Variants in ERICH1 observed in about 807,000 individuals in gnomAD.
ERICH1 encodes the protein glutamate rich 1.
A neutral mutation model predicts 39.6 loss-of-function variants in ERICH1; 56 were observed. The ratio of observed to expected loss-of-function variants is 1.41; its 90% CI spans 1.14 to 1.77. The LOEUF (loss-of-function observed/expected upper bound fraction) is 1.77. Ranked by LOEUF, ERICH1 falls within the 40% of genes most tolerant of loss-of-function variation. The probability of loss-of-function intolerance (pLI) is 0.00; values close to 1 mark genes in which losing one functional copy is unlikely to be tolerated. For missense variants in ERICH1, 826 were observed against 575.4 expected (o/e 1.44, Z -4.45); for synonymous variants, 313 against 223.6 (o/e 1.40, Z -3.57).
intron 3 of ERICH1, among the ~76,000 whole-genome samples, chr8:621,703 C>G (rs1340577213): frequency 6.6e-6 from 1 of 151,712 alleles, no homozygotes; most frequent in Non-Finnish European, 1.5e-5. Context: ...TTTAGAAAGA[C>G]TACGAAAGAA....
At chr8:618,533 C>A (rs1797079687) in intron 3 of ERICH1, among the ~76,000 whole-genome samples, 1 of 152,236 alleles carries the variant, frequency 6.6e-6, no homozygotes, top group Non-Finnish European at 1.5e-5. Flanking sequence ...TACATGCTAA[C>A]TGAGTGAGTG....
chr8:620,030 T>G (rs1434426913), intron 3 of ERICH1, among the ~76,000 whole-genome samples: 4 of 152,068 alleles, frequency 2.6e-5, no homozygotes, highest in Non-Finnish European at 4.4e-5. Context: ...AAACAAAAAG[T>G]GGGCCAGGCG....
chr8:667,979 C>T (rs577330581), intron 5 of ERICH1: 6 of 155,452 alleles, frequency 3.9e-5, no homozygotes, highest in South Asian at 2.0e-4. Context: ...TCCTCTGGGA[C>T]GCCAGCCCTG....
At chr8:637,909 G>A (rs1011225636) in intron 3 of ERICH1, among the ~76,000 whole-genome samples, 2 of 152,226 alleles carry the variant, frequency 1.3e-5, no homozygotes, top group Non-Finnish European at 2.9e-5. Flanking sequence ...GCAGGCAGCC[G>A]AACAAAATGC....
In ERICH1 at chr8:673,331, G is replaced by T; in HGVS notation, c.1021C>A (p.Leu341Ile). 1 of 1,612,456 alleles carries T rather than the reference G, an allele frequency of 6.2e-7. No homozygotes were observed. Among genetic ancestry groups the T allele is most frequent in the Non-Finnish European group, 8.5e-7 (1 of 1,178,624 alleles). ...TCCTGTGTTGACTTCAAAAAATTTA[G>T]AATACTGTGTGCCTTTTCATTGGTA... ...TITNEKAHSILNFLKSTQEMY... is the reference protein window; with the variant it reads ...TITNEKAHSIINFLKSTQEMY... Residue 341 changes from leucine to isoleucine, a missense_variant, in exon 4 of 6, where the codon CTA becomes ATA. Physicochemically the swap from Leu to Ile is conservative, Grantham distance 5 (BLOSUM62 2). Coordinates refer to ENST00000262109, the MANE Select transcript of ERICH1 (RefSeq NM_207332.3).
In ERICH1 at chr8:673,922, G is replaced by GT. The variant is rs770312815; in HGVS notation, c.429dup (p.Gln144ThrfsTer18). On this transcript the variant is annotated frameshift_variant, in exon 4 of 6. Coordinates refer to ENST00000262109, the MANE Select transcript of ERICH1 (RefSeq NM_207332.3). LOFTEE classifies it high-confidence loss of function. ...GTGTGCTGTCGCTGAGATTTCTCCT[G>GT]TAACAGACTCTGCTGTTTCTCTAAT... The GT allele has an allele frequency of 4.3e-6, 7 of 1,612,948 alleles. No homozygotes were observed. The highest frequency in any genetic ancestry group is 5.9e-6 in the Non-Finnish European group (7 of 1,179,972).
intron 2 of ERICH1, among the ~76,000 whole-genome samples, chr8:705,113 G>A (rs914327297): frequency 6.6e-6 from 1 of 152,232 alleles, no homozygotes; most frequent in Non-Finnish European, 1.5e-5. Flanking sequence ...CGTGTGAAGT[G>A]AACAAATATC....
intron 3 of ERICH1, among the ~76,000 whole-genome samples, chr8:639,119 T>G (rs1013738468): frequency 6.6e-6 from 1 of 152,126 alleles, no homozygotes; most frequent in African/African-American, 2.4e-5. Flanking sequence ...TGGCACTGGC[T>G]TTTCCCCATC....
chr8:681,877 G>GC, intron 3 of ERICH1, among the ~76,000 whole-genome samples: 1 of 152,154 alleles, frequency 6.6e-6, no homozygotes, highest in South Asian at 2.1e-4. Context: ...AGTCACTTTC[G>GC]CAAGGACCCC....
intron 3 of ERICH1, among the ~76,000 whole-genome samples, chr8:631,599 T>G (rs1021519426): frequency 6.6e-6 from 1 of 152,010 alleles, no homozygotes; most frequent in South Asian, 2.1e-4. Flanking sequence ...TGCCAGGGAG[T>G]GGGGGCAATG....
intron 1 of ERICH1, among the ~76,000 whole-genome samples, chr8:729,465 C>T (rs1342803533): frequency 6.6e-6 from 1 of 152,234 alleles, no homozygotes; most frequent in African/African-American, 2.4e-5. Flanking sequence ...AAGACACACA[C>T]TCCAGTTTCC....
chr8:689,878 G>A (rs549548394), intron 3 of ERICH1, among the ~76,000 whole-genome samples: 10 of 152,320 alleles, frequency 6.6e-5, no homozygotes, highest in African/African-American at 2.4e-4. Flanking sequence ...TTCATGTAGG[G>A]CAGTGTTCCT....
chr8:688,139 C>G (rs916633066), intron 3 of ERICH1, among the ~76,000 whole-genome samples: 1 of 152,192 alleles, frequency 6.6e-6, no homozygotes, highest in Non-Finnish European at 1.5e-5. Flanking sequence ...GGTCTGCAAC[C>G]CAGGCGGGGC....
intron 3 of ERICH1, among the ~76,000 whole-genome samples, chr8:676,487 A>AGGACAGAGG (rs1563236923): frequency 2.1e-5 from 1 of 47,698 alleles, no homozygotes; most frequent in African/African-American, 1.1e-4. Context: ...GAGGACAGAG[A>AGGACAGAGG]CGCGGCGGCC....
chr8:724,561 G>A (rs776320120), intron 1 of ERICH1, among the ~76,000 whole-genome samples: 7 of 152,230 alleles, frequency 4.6e-5, no homozygotes, highest in Middle Eastern at 3.4e-3. Flanking sequence ...CTCAGTTCTC[G>A]GAGTCAGTTT....
chr8:687,775 G>A (rs1296584702), intron 3 of ERICH1, among the ~76,000 whole-genome samples: 3 of 152,112 alleles, frequency 2.0e-5, no homozygotes, highest in Non-Finnish European at 4.4e-5. Context: ...CCTAGCCGAG[G>A]CCGTAGTAGG....
At chr8:682,552 C>G (rs1389122505) in intron 3 of ERICH1, among the ~76,000 whole-genome samples, 2 of 152,240 alleles carry the variant, frequency 1.3e-5, no homozygotes, top group Non-Finnish European at 2.9e-5. Context: ...GGTCTACGCC[C>G]TTCACACCCA....
At chr8:619,552 CGGG>C (rs1354574445) in intron 3 of ERICH1, among the ~76,000 whole-genome samples, 1 of 151,958 alleles carries the variant, frequency 6.6e-6, no homozygotes, top group Admixed American at 6.6e-5. Context: ...CAGTATCCAC[CGGG>C]GGAAGAAAAG....
intron 2 of ERICH1, among the ~76,000 whole-genome samples, chr8:710,002 T>C (rs1410226736): frequency 6.6e-6 from 1 of 152,136 alleles, no homozygotes; most frequent in Non-Finnish European, 1.5e-5. Flanking sequence ...TTCAGTAAAA[T>C]TCAGAGAAAA....
Sources: gnomAD v4.1 joint callset for allele counts (sites outside exome capture counted in the v4.1 genomes callset) on GRCh38, gnomAD v4.1.1 for gene constraint, MANE v1.5 for transcripts, NCBI Gene and HGNC (gene_info 2026-07-23, HGNC 2026-07-21) for gene names.